SMYD1: variants seen among roughly 807,000 people sequenced by gnomAD.
SMYD1 encodes the protein histone-lysine N-methyltransferase SMYD1.
SMYD1 carries 49 observed loss-of-function variants against 54.0 expected under a neutral mutation model. The ratio of observed to expected loss-of-function variants is 0.91; its 90% CI spans 0.72 to 1.15. The LOEUF (loss-of-function observed/expected upper bound fraction) is 1.15. SMYD1 is among the 50% of genes most tolerant of loss of function. The pLI is 0.00. For missense variants in SMYD1, 653 were observed against 639.6 expected, an observed-to-expected ratio of 1.02 and a Z score of -0.23; for synonymous variants, 269 against 234.2, an observed-to-expected ratio of 1.15 and a Z score of -1.36.
At chr2:88,099,171 C>T (rs1674666135) in intron 6 of SMYD1, among the ~76,000 whole-genome samples, 1 of 152,082 alleles carries the variant, frequency 6.6e-6, no homozygotes, top group Non-Finnish European at 1.5e-5. Flanking sequence ...ACTGCAGCCT[C>T]GACTTTCTGG....
intron 6 of SMYD1, among the ~76,000 whole-genome samples, chr2:88,101,800 T>A (rs1650771563): frequency 6.6e-6 from 1 of 152,144 alleles, no homozygotes; most frequent in African/African-American, 2.4e-5. Context: ...GAGCTTGGAT[T>A]TCACCCTATT....
Position 88,091,115 on chromosome 2 carries a change from A to G in SMYD1, c.632A>G (p.Asn211Ser). The G allele has an allele frequency of 6.2e-7, 1 of 1,614,154 alleles. No individual in the cohort carries two copies. Among genetic ancestry groups the G allele is most frequent in the African/African-American group, 1.3e-5 (1 of 75,050 alleles). ...LGLVNHDCWP[N>S]CTVIFNNGNH... is the part of the protein sequence containing the mutation. ...CTGGTGAACCATGACTGTTGGCCCA[A>G]CTGTACTGTCATATTTAACAATGGC... The change falls in exon 4 of 10, where the codon AAC becomes AGC. Residue 211 changes from asparagine (N) to serine (S), a missense_variant. Coordinates refer to ENST00000419482, the MANE Select transcript of SMYD1 (RefSeq NM_198274.4).
At chr2:88,104,397 G>T (rs1000728808) in intron 7 of SMYD1, among the ~76,000 whole-genome samples, 6 of 152,218 alleles carry the variant, frequency 3.9e-5, no homozygotes, top group African/African-American at 1.4e-4. Context: ...TGTCAGGTGG[G>T]TAGACAGTCA....
intron 9 of SMYD1, among the ~76,000 whole-genome samples, 156 bp from the exon 10 acceptor site, chr2:88,110,198 T>TGA (rs200741830): frequency 0.079 from 11,292 of 142,486 alleles, 624 homozygotes; most frequent in African/African-American, 0.13. Context: ...CCTTGATGAA[T>TGA]GAGTGTGTGT....
intron 8 of SMYD1, 55 bp downstream of exon 8, chr2:88,106,543 G>A: frequency 5.1e-6 from 8 of 1,567,162 alleles, no homozygotes; most frequent in Middle Eastern, 1.7e-4. Flanking sequence ...GTATTCCAGG[G>A]ATGGCAAATA....
intron 3 of SMYD1, among the ~76,000 whole-genome samples, chr2:88,089,598 T>G (rs1315268291): frequency 1.4e-5 from 2 of 146,200 alleles, no homozygotes; most frequent in Admixed American, 6.8e-5. Context: ...TTTTTTTTTT[T>G]TTTTTTTTTT....
rs150186212 is a variant in SMYD1, at chr2:88,080,100, A to G, written c.138-4216A>G. The stretch of plus-strand genomic sequence containing the variant: ...ACTACATGTGTTCATTGTGAGGGTA[A>G]ATTCTTAAGCTTCAGAGTTGTTCCA... On this transcript the variant is annotated intron_variant, in intron 1 of 9. Transcript: ENST00000419482. Among the ~76,000 whole-genome samples, 238 of 152,290 alleles carry G rather than the reference A, an allele frequency of 1.6e-3. 1 individual carries two copies. Among genetic ancestry groups the G allele is most frequent in the Non-Finnish European group, 2.4e-3 (166 of 68,022 alleles).
rs767580360 is a variant in SMYD1 at position 88,106,405 on chromosome 2, G to A, written c.1062G>A (p.Leu354=). The change falls in exon 8 of 10, where the codon CTG becomes CTA. Residue 354 remains leucine (L), a synonymous_variant. Coordinates refer to ENST00000419482, the MANE Select transcript of SMYD1 (RefSeq NM_198274.4). ...ADTNIYMLRM[L]SIVSEVLSYL... The stretch of plus-strand genomic sequence containing the variant: ...CCAACATCTACATGCTGCGGATGCT[G>A]AGCATTGTTTCGGAGGTCCTTTCCT... The A allele has an allele frequency of 1.2e-6, 2 of 1,614,206 alleles. No homozygotes were observed. Among genetic ancestry groups the A allele is most frequent in the African/African-American group, 1.3e-5 (1 of 75,042 alleles).
intron 6 of SMYD1, among the ~76,000 whole-genome samples, chr2:88,100,859 G>T (rs945722875): frequency 2.0e-5 from 3 of 152,186 alleles, no homozygotes; most frequent in African/African-American, 7.2e-5. Context: ...ACTGATGGGT[G>T]CATCCATTGT....
At position 88,108,433 on chromosome 2, in the gene SMYD1, A is replaced by G. The variant is rs771229558; in HGVS notation, c.1208A>G (p.Asn403Ser). The G allele has an allele frequency of 6.2e-7, 1 of 1,613,168 alleles. No homozygotes were observed. Among genetic ancestry groups the G allele is most frequent in the Non-Finnish European group, 8.5e-7 (1 of 1,179,610 alleles). The change falls in exon 9 of 10, where the codon AAC becomes AGC. Residue 403 changes from asparagine to serine, a missense_variant. Coordinates refer to ENST00000419482, the MANE Select transcript of SMYD1 (RefSeq NM_198274.4). ...GCCGTGATGCGGGCAGGGCTGACCA[A>G]CTGGCATGCTGGTAACATTGAGGTG... ...GMAVMRAGLT[N>S]WHAGNIEVGH...
At chr2:88,071,267 A>T (rs752376879) in intron 1 of SMYD1, among the ~76,000 whole-genome samples, 15 of 152,228 alleles carry the variant, frequency 9.9e-5, no homozygotes, top group Non-Finnish European at 1.8e-4. Context: ...AAGTGTAATT[A>T]CTAGGCCAGT....
chr2:88,077,543 C>T (rs1255836060), intron 1 of SMYD1, among the ~76,000 whole-genome samples: 2 of 152,120 alleles, frequency 1.3e-5, no homozygotes, highest in African/African-American at 4.8e-5. Flanking sequence ...GAGTTGATAC[C>T]TTCTTGTGTG....
chr2:88,108,884 G>C (rs1311948543), intron 9 of SMYD1, among the ~76,000 whole-genome samples: 1 of 152,222 alleles, frequency 6.6e-6, no homozygotes, highest in Non-Finnish European at 1.5e-5. Context: ...CCTGATGAAA[G>C]AGGGAGCAAG....
intron 7 of SMYD1, among the ~76,000 whole-genome samples, chr2:88,104,181 T>A (rs765265241): frequency 3.5e-4 from 54 of 152,142 alleles, no homozygotes; most frequent in Non-Finnish European, 5.7e-4. Flanking sequence ...TTAGCCAGGA[T>A]GGTCTCGATT....
intron 6 of SMYD1, among the ~76,000 whole-genome samples, chr2:88,102,843 C>G (rs536184337): frequency 6.6e-6 from 1 of 152,254 alleles, no homozygotes; most frequent in East Asian, 1.9e-4. Flanking sequence ...CAGCAAGGGT[C>G]TGGGACTTGG....
At chr2:88,091,514 G>A (rs991825721) in intron 4 of SMYD1, among the ~76,000 whole-genome samples, 2 of 152,148 alleles carry the variant, frequency 1.3e-5, no homozygotes, top group Admixed American at 1.3e-4. Flanking sequence ...AGAATTGAAT[G>A]AAGGGACAAT....
chr2:88,079,154 A>G (rs998786454), intron 1 of SMYD1, among the ~76,000 whole-genome samples: 2 of 152,188 alleles, frequency 1.3e-5, no homozygotes, highest in African/African-American at 2.4e-5. Context: ...ATGATTATAT[A>G]AGTGTAATGT....
chr2:88,088,017 A>G lies in SMYD1; in HGVS notation c.470A>G (p.Tyr157Cys). ...GTGGACGTGGACACATTCTTGCAGT[A>G]CTGGCCGCCGCAGAGCCAGCAGTTC... ...LRVDVDTFLQ[Y>C]WPPQSQQFSM... Residue 157 changes from tyrosine to cysteine, a missense_variant, in exon 3 of 10, where the codon TAC (tyrosine) becomes TGC (cysteine). By Grantham distance (194) the Tyr-to-Cys change is radical. Coordinates refer to ENST00000419482, the MANE Select transcript of SMYD1 (RefSeq NM_198274.4). The G allele has an allele frequency of 6.2e-7, 1 of 1,614,146 alleles. No individual in the cohort carries two copies. The highest frequency in any genetic ancestry group is 1.7e-5 in the Admixed American group (1 of 60,026).
At chr2:88,104,647 C>G (rs918459758) in intron 7 of SMYD1, among the ~76,000 whole-genome samples, 2 of 152,238 alleles carry the variant, frequency 1.3e-5, no homozygotes, top group Non-Finnish European at 2.9e-5. Flanking sequence ...TCCCCGCCAC[C>G]TCGGGGTGGC....
Sources: gnomAD v4.1 joint callset for allele counts (sites outside exome capture counted in the v4.1 genomes callset) on GRCh38, gnomAD v4.1.1 for gene constraint, MANE v1.5 for transcripts, NCBI Gene and HGNC (gene_info 2026-07-23, HGNC 2026-07-21) for gene names.